Variants in SLC25A41 observed in about 807,000 individuals in gnomAD.
The protein encoded by SLC25A41 is solute carrier family 25 member 41, also known as mitochondrial carrier protein SCaMC-3L.
SLC25A41 carries 35 observed loss-of-function variants against 34.7 expected under a neutral mutation model. The ratio of observed to expected loss-of-function variants is 1.01; its 90% CI spans 0.77 to 1.34. The LOEUF (loss-of-function observed/expected upper bound fraction) is 1.34, where lower values mean the gene tolerates loss of function less well. SLC25A41 is among the 40% of genes most tolerant of loss of function. The pLI is 0.00. For missense variants in SLC25A41, 492 were observed against 489.8 expected (o/e 1.00, Z -0.04); for synonymous variants, 190 against 209.9 (o/e 0.91, Z 0.82).
chr19:6,431,386 C>G (rs1044909331), intron 2 of SLC25A41, among the ~76,000 whole-genome samples: 1 of 151,846 alleles, frequency 6.6e-6, no homozygotes, highest in African/African-American at 2.4e-5. Context: ...GCAGCTGAGA[C>G]TATGGGTGTG....
At position 6,433,698 on chromosome 19, in the gene SLC25A41, G is replaced by T. The variant is rs967229569; in HGVS notation, c.-5C>A. 6.5e-7 allele frequency: 1 copy of T among 1,545,086 alleles called. No individual in the cohort carries two copies. The highest frequency in any genetic ancestry group is 8.8e-7 in the Non-Finnish European group (1 of 1,142,066). On this transcript the variant is annotated 5_prime_UTR_variant, in exon 1 of 7. Coordinates refer to ENST00000321510, the MANE Select transcript of SLC25A41 (RefSeq NM_173637.4). Reference sequence around the variant, plus strand: ...TTCCCCAGGCTGAGCGCCCATGGAGGAAGTTAGGACACCTGGCTTCAAATC... The same window carrying T: ...TTCCCCAGGCTGAGCGCCCATGGAGTAAGTTAGGACACCTGGCTTCAAATC...
At chr19:6,436,046 A>C (rs571745207), upstream of SLC25A41, 101 of 160,068 alleles carry the variant, frequency 6.3e-4, no homozygotes, top group African/African-American at 1.5e-3. Context: ...CCGAAACCAA[A>C]CAAACAAACA....
chr19:6,429,098 CATATATATATAATATATATATTAT>C (rs2092262205), intron 4 of SLC25A41, among the ~76,000 whole-genome samples: 1 of 8,376 alleles, frequency 1.2e-4, no homozygotes, highest in African/African-American at 4.3e-4. Flanking sequence ...ATATATGTTA[CATATATATATAATATATATATTAT>C]ATATATGTTA....
At chr19:6,436,169 T>A (rs2092311636), upstream of SLC25A41, 7 of 227,048 alleles carry the variant, frequency 3.1e-5, no homozygotes, top group South Asian at 3.7e-4. Context: ...CAACAAACAT[T>A]TATCATCTCA....
At position 6,426,304 on chromosome 19, in the gene SLC25A41, TGAG is replaced by T. The variant is rs1029406679; in HGVS notation, c.*82_*84del. On this transcript the variant is annotated 3_prime_UTR_variant, in exon 7 of 7. Coordinates refer to ENST00000321510, the MANE Select transcript of SLC25A41 (RefSeq NM_173637.4). ...AAAAACTGCCCCAGGGCCTGAACCT[TGAG>T]GCCTCGAGGGCTCTTTGGGGCCAGG... The T allele has an allele frequency of 9.1e-7, 1 of 1,100,402 alleles. No homozygotes were observed. Among genetic ancestry groups the T allele is most frequent in the African/African-American group, 1.5e-5 (1 of 64,522 alleles). 68.2% of individuals were successfully genotyped at this position (1,100,402 alleles called of 1,614,324 possible).
intron 2 of SLC25A41, chr19:6,430,372 C>T (rs983567120): frequency 3.5e-6 from 2 of 577,578 alleles, no homozygotes; most frequent in Non-Finnish European, 6.1e-6. Flanking sequence ...ACATTCCCAC[C>T]TCACCCCTCC....
At chr19:6,428,281 G>T (rs1210658331) in intron 4 of SLC25A41, among the ~76,000 whole-genome samples, 1 of 151,690 alleles carries the variant, frequency 6.6e-6, no homozygotes, top group African/African-American at 2.4e-5. Flanking sequence ...GCTGGGTGTG[G>T]TGGCAGGCAG....
In SLC25A41 at chr19:6,433,558, A is replaced by T; in HGVS notation, c.136T>A (p.Cys46Ser). ...AACGCGTACCCATACACGTGTGTAC[A>T]GCCAGGGTTCCAGGATGGGGGTGGA... Reference protein sequence around the residue: ...PPPPPSWNPGCTHVYGYAFGH... With the variant: ...PPPPPSWNPGSTHVYGYAFGH... Residue 46 changes from cysteine (C) to serine (S), a missense_variant, in exon 1 of 7, where the codon TGT becomes AGT. Coordinates refer to ENST00000321510, the MANE Select transcript of SLC25A41 (RefSeq NM_173637.4). The T allele has an allele frequency of 6.2e-7, 1 of 1,606,146 alleles. No homozygotes were observed. Among genetic ancestry groups the T allele is most frequent in the Non-Finnish European group, 8.5e-7 (1 of 1,174,524 alleles).
intron 1 of SLC25A41, among the ~76,000 whole-genome samples, chr19:6,432,604 T>A (rs1414640875): frequency 6.6e-6 from 1 of 150,894 alleles, no homozygotes; most frequent in Non-Finnish European, 1.5e-5. Context: ...GTTTTTGTTT[T>A]TTTTTAGACA....
At chr19:6,434,361 T>C (rs1262948458), upstream of SLC25A41, among the ~76,000 whole-genome samples, 1 of 152,146 alleles carries the variant, frequency 6.6e-6, no homozygotes, top group African/African-American at 2.4e-5. Flanking sequence ...ATGGAATTAG[T>C]TCCCTATAAG....
chr19:6,432,130 C>T lies in SLC25A41; in HGVS notation c.282G>A (p.Lys94=), dbSNP rs376965446. Residue 94 remains lysine (K), a synonymous_variant, in exon 2 of 7, where the codon AAG becomes AAA. Coordinates refer to ENST00000321510, the MANE Select transcript of SLC25A41 (RefSeq NM_173637.4). The part of the protein sequence containing the change: ...LEVDNKEALW[K]FLLSGAMAGA... ...CGGCCATAGCTCCTGAGAGTAGAAACTTCCACAAGGCCTCCTTGTTATCCA... is the reference window on the plus strand; with the variant it reads ...CGGCCATAGCTCCTGAGAGTAGAAATTTCCACAAGGCCTCCTTGTTATCCA... 29 of 1,613,872 alleles carry T rather than the reference C, an allele frequency of 1.8e-5. No individual in the cohort carries two copies. Among genetic ancestry groups the T allele is most frequent in the Non-Finnish European group, 2.4e-5 (28 of 1,179,900 alleles).
Position 6,427,456 on chromosome 19 carries a change from C to T in SLC25A41, c.670G>A (p.Gly224Arg). 1 of 1,597,626 alleles carries T rather than the reference C, an allele frequency of 6.3e-7. No individual in the cohort carries two copies. Among genetic ancestry groups the T allele is most frequent in the South Asian group, 1.1e-5 (1 of 89,526 alleles). Residue 224 changes from glycine to arginine, a missense_variant, in exon 5 of 7, where the codon GGG becomes AGG. Transcript: ENST00000321510. The surrounding 1 kb of genome is among the most constrained non-coding windows in gnomAD (Gnocchi z 4.9). The stretch of plus-strand genomic sequence containing the variant: ...ATCTGCCTGGCGCAGTCCAGCAGCC[C>T]CTTGTACTGGCCCGTCCGACGCAAG... ...LTLRRTGQYKGLLDCARQILQ... is the reference protein window; with the variant it reads ...LTLRRTGQYKRLLDCARQILQ...
intron 4 of SLC25A41, 56 bp downstream of exon 4, chr19:6,429,668 C>T (rs2092275578): frequency 6.8e-6 from 9 of 1,319,170 alleles, no homozygotes; most frequent in South Asian, 2.8e-5. Flanking sequence ...GCCCCAGCAA[C>T]GTGGGTAACT....
Position 6,433,573 on chromosome 19 carries a change from A to G in SLC25A41, c.121T>C (p.Ser41Pro). 9.0e-7 allele frequency: 1 copy of G among 1,107,792 alleles called. No individual in the cohort carries two copies. The highest frequency in any genetic ancestry group is 1.3e-6 in the Non-Finnish European group (1 of 784,344). 68.6% of individuals were successfully genotyped at this position (1,107,792 alleles called of 1,614,324 possible). A position where few individuals can be genotyped will look rare whatever the true frequency, so the allele number is the denominator to read the frequency against. ...PPPQPPPPPP[S>P]WNPGCTHVYG... is the part of the protein sequence containing the mutation. ...ACGTGTGTACAGCCAGGGTTCCAGG[A>G]TGGGGGTGGAGGCGGAGGTTGGGGG... Residue 41 changes from serine (S) to proline (P), a missense_variant, in exon 1 of 7, where the codon TCC (serine) becomes CCC (proline). Ser to Pro is a moderately conservative substitution (Grantham distance 74). Coordinates refer to ENST00000321510, the MANE Select transcript of SLC25A41 (RefSeq NM_173637.4).
At chr19:6,435,378 C>T (rs2092305069), upstream of SLC25A41, among the ~76,000 whole-genome samples, 1 of 151,964 alleles carries the variant, frequency 6.6e-6, no homozygotes, top group South Asian at 2.1e-4. Flanking sequence ...CTTCAGCCAC[C>T]CGAGTGGCTA....
intron 6 of SLC25A41, 150 bp from the exon 7 acceptor site, chr19:6,426,711 A>C (rs1568348138): frequency 9.1e-6 from 7 of 771,046 alleles, no homozygotes; most frequent in Non-Finnish European, 1.4e-5. Context: ...GAAATTGGTC[A>C]GTTTGAGGAG....
Position 6,426,278 on chromosome 19 carries a change from C to G in SLC25A41, c.*111G>C, listed in dbSNP as rs2092239438. ...CCCACCCCCAGCCTGCTTTTGCCAC[C>G]AAAAACTGCCCCAGGGCCTGAACCT... On this transcript the variant is annotated 3_prime_UTR_variant, in exon 7 of 7. Coordinates refer to ENST00000321510, the MANE Select transcript of SLC25A41 (RefSeq NM_173637.4). 1.1e-6 allele frequency: 1 copy of G among 919,174 alleles called. No individual in the cohort carries two copies. The highest frequency in any genetic ancestry group is 1.5e-6 in the Non-Finnish European group (1 of 674,488). The allele number at this position is 919,174 out of a possible 1,614,324, so 56.9% of individuals were successfully genotyped here. A position where few individuals can be genotyped will look rare whatever the true frequency, so the allele number is the denominator to read the frequency against.
chr19:6,430,487 TC>T, intron 2 of SLC25A41: 1 of 465,954 alleles, frequency 2.1e-6, no homozygotes, highest in Non-Finnish European at 4.0e-6. Flanking sequence ...GTTCCTCCCT[TC>T]CTTCTTTTTT....
intron 2 of SLC25A41, chr19:6,430,403 TTC>T (rs1017302711): frequency 5.1e-5 from 29 of 567,264 alleles, no homozygotes; most frequent in Admixed American, 9.6e-5. Flanking sequence ...CTCAGTCTTT[TTC>T]TCTCTCTCTT....
Sources: gnomAD v4.1 joint callset for allele counts (sites outside exome capture counted in the v4.1 genomes callset) on GRCh38, gnomAD v4.1.1 for gene constraint, Gnocchi (gnomAD v3.1) non-coding constraint, MANE v1.5 for transcripts, NCBI Gene and HGNC (gene_info 2026-07-23, HGNC 2026-07-21) for gene names.